Variants in ATP9B observed in about 807,000 individuals in gnomAD.
ATP9B encodes probable phospholipid-transporting ATPase IIB.
ATP9B carries 110 observed loss-of-function variants against 146.1 expected under a neutral mutation model. The observed-to-expected ratio is 0.75, with a 90% CI of 0.65 to 0.88. The LOEUF (loss-of-function observed/expected upper bound fraction) is 0.88, where lower values mean the gene tolerates loss of function less well. Ranked by LOEUF, ATP9B falls within the 40% of genes least tolerant of loss-of-function variation. ATP9B has a pLI of 0.00. For synonymous variants in ATP9B, 604 were observed against 569.7 expected (o/e 1.06, Z -0.86); for missense variants, 1,499 against 1,496.4 (o/e 1.00, Z -0.03).
At chr18:79,137,073 GC>G (rs1278757457) in intron 5 of ATP9B, among the ~76,000 whole-genome samples, 6 of 152,182 alleles carry the variant, frequency 3.9e-5, no homozygotes, top group African/African-American at 1.4e-4. Context: ...TGGAGACACA[GC>G]CAAACCATAT....
chr18:79,238,886 A>G (rs147353454), intron 11 of ATP9B, among the ~76,000 whole-genome samples: 1 of 152,254 alleles, frequency 6.6e-6, no homozygotes, highest in Non-Finnish European at 1.5e-5. Context: ...ACGCAGACGC[A>G]CTGCTTAGAT....
chr18:79,322,324 T>A (rs1356743604), intron 15 of ATP9B, among the ~76,000 whole-genome samples: 1 of 152,150 alleles, frequency 6.6e-6, no homozygotes, highest in East Asian at 1.9e-4. Context: ...CCGTCCAACC[T>A]CTAACCCAAC....
chr18:79,092,019 C>CT (rs1160832316), intron 1 of ATP9B, among the ~76,000 whole-genome samples: 2 of 151,932 alleles, frequency 1.3e-5, no homozygotes. Flanking sequence ...CTAGGCAGTT[C>CT]TTTTTTTGAT....
intron 8 of ATP9B, among the ~76,000 whole-genome samples, chr18:79,190,030 A>C (rs2095348536): frequency 6.6e-6 from 1 of 152,116 alleles, no homozygotes. Flanking sequence ...AGACCCTTGC[A>C]CGCACTCCCC....
At chr18:79,320,367 A>AT (rs2096708460) in intron 15 of ATP9B, among the ~76,000 whole-genome samples, 1 of 152,120 alleles carries the variant, frequency 6.6e-6, no homozygotes, top group Non-Finnish European at 1.5e-5. Flanking sequence ...GGTGGTCAGC[A>AT]GGGCCTTTTG....
intron 4 of ATP9B, among the ~76,000 whole-genome samples, chr18:79,119,068 C>T (rs199620628): frequency 1.4e-5 from 2 of 141,662 alleles, no homozygotes; most frequent in East Asian, 2.0e-4. Context: ...GAGACCGTGT[C>T]TTAAAAAAAA....
At position 79,374,002 on chromosome 18, in the gene ATP9B, G is replaced by T; in HGVS notation, c.3175G>T (p.Ala1059Ser). The T allele has an allele frequency of 5.6e-6, 9 of 1,614,170 alleles. No homozygotes were observed. The highest frequency in any genetic ancestry group is 7.6e-6 in the Non-Finnish European group (9 of 1,180,036). Residue 1059 changes from alanine (A) to serine (S), a missense_variant, in exon 28 of 30, where the codon GCG becomes TCG. Ala to Ser is a moderately conservative substitution (Grantham distance 99). Transcript: ENST00000426216. ...GATCCTGACCGAGCTGCTGATGGTG[G>T]CGCTGACCGTCCGCACGTGGCACTG... Reference protein sequence around the residue: ...ALILTELLMVALTVRTWHWLM... With the variant: ...ALILTELLMVSLTVRTWHWLM...
At chr18:79,158,337 G>A (rs1409190786) in intron 7 of ATP9B, among the ~76,000 whole-genome samples, 3 of 152,072 alleles carry the variant, frequency 2.0e-5, no homozygotes, top group East Asian at 1.9e-4. Context: ...GCAGTGACAT[G>A]ATTATAGTTC....
At chr18:79,200,263 A>C (rs1259222234) in intron 9 of ATP9B, among the ~76,000 whole-genome samples, 3 of 152,180 alleles carry the variant, frequency 2.0e-5, no homozygotes, top group Non-Finnish European at 4.4e-5. Flanking sequence ...TGTGCCATCC[A>C]CTGTCTACTG....
rs559815746 is a variant in ATP9B, at chr18:79,324,226, T to G, written c.1774-4915T>G. Among the ~76,000 whole-genome samples, 31 of 152,282 alleles carry G rather than the reference T, an allele frequency of 2.0e-4. No homozygotes were observed. The South Asian group carries it at 6.2e-3, about 31-fold the overall frequency. On this transcript the variant is annotated intron_variant, in intron 15 of 29. Transcript: ENST00000426216. ...TATTAATCTCTTCTCAGTGGGTAGTTTGCAAATATTTTCTCTCATTCTGTG... is the reference window on the plus strand; with the variant it reads ...TATTAATCTCTTCTCAGTGGGTAGTGTGCAAATATTTTCTCTCATTCTGTG...
chr18:79,304,110 G>A (rs760830537), intron 14 of ATP9B, among the ~76,000 whole-genome samples: 4 of 151,646 alleles, frequency 2.6e-5, no homozygotes, highest in African/African-American at 9.7e-5. Context: ...TGCCTTTTCG[G>A]TAGATAAAAG....
At chr18:79,359,748 T>G (rs747486026) in intron 26 of ATP9B, 3 of 349,234 alleles carry the variant, frequency 8.6e-6, no homozygotes, top group Non-Finnish European at 1.7e-5. Context: ...TCTAACCATT[T>G]GTGGAACTTT....
chr18:79,212,219 A>G (rs777115045), intron 10 of ATP9B, among the ~76,000 whole-genome samples: 4 of 152,256 alleles, frequency 2.6e-5, no homozygotes, highest in Non-Finnish European at 4.4e-5. Context: ...AGAAAAATTC[A>G]TTTAATCTAA....
chr18:79,294,850 C>G (rs1168961900), intron 13 of ATP9B, among the ~76,000 whole-genome samples: 6 of 152,144 alleles, frequency 3.9e-5, no homozygotes, highest in African/African-American at 1.4e-4. Flanking sequence ...GAAAGAGCTG[C>G]CCTAGGTCCA....
chr18:79,326,838 C>G (rs2096749967), intron 15 of ATP9B, among the ~76,000 whole-genome samples: 1 of 152,080 alleles, frequency 6.6e-6, no homozygotes. Flanking sequence ...AGGGTAGAGC[C>G]CTGGCATCCT....
At chr18:79,287,225 T>G (rs925783939) in intron 13 of ATP9B, among the ~76,000 whole-genome samples, 7 of 152,208 alleles carry the variant, frequency 4.6e-5, no homozygotes, top group South Asian at 2.1e-4. Context: ...CTGGTAGAAT[T>G]TGGCTGTGAA....
At chr18:79,335,710 AC>A (rs945112511) in intron 17 of ATP9B, among the ~76,000 whole-genome samples, 3 of 152,170 alleles carry the variant, frequency 2.0e-5, no homozygotes, top group African/African-American at 7.2e-5. Flanking sequence ...AACTGCGCTT[AC>A]TGCTCATGAT....
intron 17 of ATP9B, among the ~76,000 whole-genome samples, chr18:79,335,257 G>C (rs59853629): frequency 0.49 from 74,078 of 151,994 alleles, 18,256 homozygotes; most frequent in East Asian, 0.7. Context: ...TCAACCTCGT[G>C]TGGACATCAG....
At chr18:79,072,923 G>A (rs1003583559) in intron 1 of ATP9B, among the ~76,000 whole-genome samples, 13 of 152,010 alleles carry the variant, frequency 8.6e-5, no homozygotes, top group African/African-American at 1.7e-4. Flanking sequence ...CAGGGCGGCC[G>A]GGCAGAGGCG....
Sources: gnomAD v4.1 joint callset for allele counts (sites outside exome capture counted in the v4.1 genomes callset) on GRCh38, gnomAD v4.1.1 for gene constraint, MANE v1.5 for transcripts, NCBI Gene and HGNC (gene_info 2026-07-23, HGNC 2026-07-21) for gene names.